The following ERAP2 variants were observed in gnomAD, a reference collection of about 807,000 sequenced individuals.
ERAP2 encodes the protein leukocyte-derived arginine aminopeptidase.
A neutral mutation model predicts 111.1 loss-of-function variants in ERAP2; 118 were observed. The ratio of observed to expected loss-of-function variants is 1.06; its 90% confidence interval spans 0.92 to 1.24. The LOEUF is 1.24. ERAP2 is among the 50% of genes most tolerant of loss of function. The pLI is 0.00. For missense variants in ERAP2, 1,131 were observed against 1,125.8 expected, an observed-to-expected ratio of 1.00 and a Z score of -0.07; for synonymous variants, 410 against 401.2, an observed-to-expected ratio of 1.02 and a Z score of -0.26.
At chr5:96,883,697 C>G in intron 2 of ERAP2, 95 bp from the exon 3 acceptor site, 1 of 1,255,028 alleles carries the variant, frequency 8.0e-7, no homozygotes, top group Non-Finnish European at 1.1e-6. Flanking sequence ...AAGTCTATTA[C>G]CCCCAGGTTT....
chr5:96,894,375 T>G (rs991810546), intron 6 of ERAP2, among the ~76,000 whole-genome samples: 3 of 152,196 alleles, frequency 2.0e-5, no homozygotes, highest in African/African-American at 4.8e-5. Flanking sequence ...GGAATAGTGC[T>G]TAAACTGTTT....
intron 1 of ERAP2, among the ~76,000 whole-genome samples, chr5:96,877,718 A>G (rs534937040): frequency 1.7e-4 from 24 of 139,644 alleles, no homozygotes; most frequent in African/African-American, 6.2e-4. Flanking sequence ...AGACCCACAT[A>G]ATAAGCCACT....
intron 15 of ERAP2, 148 bp downstream of exon 15, chr5:96,909,912 T>C (rs758585479): frequency 5.9e-5 from 42 of 715,738 alleles, no homozygotes; most frequent in Middle Eastern, 8.1e-4. Flanking sequence ...TGCTCTCACA[T>C]TGTAAGTGCT....
chr5:96,880,237 C>A lies in ERAP2; in HGVS notation c.552C>A (p.Tyr184Ter). ...TTGAAGGGTTTTATAAAAGCACATA[C>A]AGAACTCTTGGTGGTGAAACAAGGT... is the stretch of plus-strand genomic sequence containing the variant. Reference protein sequence around the residue: ...DGFEGFYKSTYRTLGGETRIL... With the variant: ...DGFEGFYKST Residue 184 changes from tyrosine (Y) to a stop codon, truncating the protein, a stop_gained, in exon 2 of 19, where the codon TAC becomes TAA. Coordinates refer to ENST00000437043, the MANE Select transcript of ERAP2 (RefSeq NM_022350.5). LOFTEE classifies it high-confidence loss of function. 1 of 1,612,562 alleles carries A rather than the reference C, an allele frequency of 6.2e-7. No homozygotes were observed. Among genetic ancestry groups the A allele is most frequent in the Admixed American group, 1.7e-5 (1 of 59,796 alleles).
At chr5:96,896,087 T>C (rs1192504894) in intron 7 of ERAP2, among the ~76,000 whole-genome samples, 1 of 152,204 alleles carries the variant, frequency 6.6e-6, no homozygotes, top group African/African-American at 2.4e-5. Flanking sequence ...AAGTATTCAC[T>C]AAATGGAAAC....
rs201654009 is a variant in ERAP2, at chr5:96,883,781, T to A, written c.576-11T>A. The A allele has an allele frequency of 8.6e-5, 139 of 1,608,156 alleles. No individual in the cohort carries two copies. The highest frequency in any genetic ancestry group is 1.1e-4 in the Non-Finnish European group (135 of 1,177,842). ...CTTGTGCATTTTGGCTGGGGGTGGG[T>A]CTTTTCACAGAATTCTTGCAGTAAC... On this transcript the variant is annotated splice_polypyrimidine_tract_variant and intron_variant, in intron 2 of 18. Coordinates refer to ENST00000437043, the MANE Select transcript of ERAP2 (RefSeq NM_022350.5).
At position 96,908,993 on chromosome 5, in the gene ERAP2, A is replaced by G; in HGVS notation, c.2045A>G (p.Asp682Gly). 1 of 1,614,214 alleles carries G rather than the reference A, an allele frequency of 6.2e-7. No homozygotes were observed. Among genetic ancestry groups the G allele is most frequent in the Non-Finnish European group, 8.5e-7 (1 of 1,180,020 alleles). Residue 682 changes from aspartate (D) to glycine (G), a missense_variant, in exon 14 of 19, where the codon GAC becomes GGC. By Grantham distance (94) the Asp-to-Gly change is moderately conservative. Coordinates refer to ENST00000437043, the MANE Select transcript of ERAP2 (RefSeq NM_022350.5). ...AGACTGACCCTAGACAAAGCTCTTG[A>G]CATGACTTACTACCTCCAACATGAA... is the stretch of plus-strand genomic sequence containing the variant. ...AGRLTLDKAL[D>G]MTYYLQHETS...
chr5:96,903,294 A>G, intron 12 of ERAP2, 83 bp from the exon 13 acceptor site: 1 of 1,102,074 alleles, frequency 9.1e-7, no homozygotes. Context: ...TTTATAAGTA[A>G]TTTGATTAAA....
intron 17 of ERAP2, 22 bp downstream of exon 17, chr5:96,913,479 A>G (rs190494898): frequency 3.9e-5 from 63 of 1,613,062 alleles, no homozygotes; most frequent in Admixed American, 1.5e-4. Context: ...TTTTCATCCA[A>G]TGTTTGTTCT....
At chr5:96,915,856 G>A in intron 18 of ERAP2, 87 bp downstream of exon 18, 1 of 1,175,678 alleles carries the variant, frequency 8.5e-7, no homozygotes, top group Non-Finnish European at 1.2e-6. Context: ...CTGATTTGAA[G>A]TTCTCATTTT....
chr5:96,900,212 A>G, intron 10 of ERAP2, 23 bp downstream of exon 10: 9 of 1,613,206 alleles, frequency 5.6e-6, no homozygotes, highest in Non-Finnish European at 7.6e-6. Flanking sequence ...AGAGTCACAG[A>G]GTAGAAGAGA....
chr5:96,901,433 A>G, intron 10 of ERAP2, 73 bp from the exon 11 acceptor site: 2 of 1,505,148 alleles, frequency 1.3e-6, no homozygotes, highest in South Asian at 1.2e-5. Context: ...ATCCAAGGAG[A>G]TGGAAGTTTC....
At chr5:96,893,829 A>G (rs1581838483) in intron 6 of ERAP2, among the ~76,000 whole-genome samples, 1 of 151,836 alleles carries the variant, frequency 6.6e-6, no homozygotes, top group East Asian at 1.9e-4. Flanking sequence ...GCTCCTTTTT[A>G]CCTCTCCATC....
chr5:96,893,707 T>G (rs1784601902), intron 6 of ERAP2, among the ~76,000 whole-genome samples: 1 of 152,222 alleles, frequency 6.6e-6, no homozygotes, highest in Non-Finnish European at 1.5e-5. Flanking sequence ...TTGCCCCCAC[T>G]TTTTTGTCTT....
In ERAP2 at chr5:96,895,371, A is replaced by G. The variant is rs201170004; in HGVS notation, c.1239+12A>G. On this transcript the variant is annotated intron_variant, in intron 7 of 18. Transcript: ENST00000437043. ...CAGAGCTGCAATTTGTAAGTTCACA[A>G]TTCTGTGTATCATACTATATGGTGT... The G allele has an allele frequency of 2.6e-5, 39 of 1,492,482 alleles. No homozygotes were observed. In the East Asian group the frequency reaches 7.9e-4, roughly 30 times the overall value. The allele number at this position is 1,492,482 out of a possible 1,614,324, so 92.5% of individuals were successfully genotyped here. A position where few individuals can be genotyped will look rare whatever the true frequency, so the allele number is the denominator to read the frequency against.
intron 15 of ERAP2, chr5:96,910,031 C>G (rs1452823291): frequency 3.4e-6 from 1 of 291,608 alleles, no homozygotes; most frequent in Non-Finnish European, 6.7e-6. Flanking sequence ...TTTGGGAGGC[C>G]AAGGAGGGTG....
chr5:96,894,905 G>A (rs1041316625), intron 6 of ERAP2, among the ~76,000 whole-genome samples: 4 of 151,882 alleles, frequency 2.6e-5, no homozygotes, highest in Non-Finnish European at 5.9e-5. Flanking sequence ...GTTCTTATTG[G>A]GCAGGAAAGA....
chr5:96,910,776 T>C (rs141263271), intron 15 of ERAP2, among the ~76,000 whole-genome samples: 2 of 152,348 alleles, frequency 1.3e-5, no homozygotes, highest in African/African-American at 4.8e-5. Context: ...GTATGAATTT[T>C]AATGAAGAAT....
intron 5 of ERAP2, among the ~76,000 whole-genome samples, chr5:96,889,801 T>C (rs1378665528): frequency 2.0e-5 from 3 of 150,682 alleles, no homozygotes; most frequent in Non-Finnish European, 4.4e-5. Context: ...CAGCATTGAT[T>C]AGAGAATGGA....
Sources: gnomAD v4.1 joint callset for allele counts (sites outside exome capture counted in the v4.1 genomes callset) on GRCh38, gnomAD v4.1.1 for gene constraint, MANE v1.5 for transcripts, NCBI Gene and HGNC (gene_info 2026-07-23, HGNC 2026-07-21) for gene names.